The following OOSP3 variants were observed in gnomAD, a reference collection of about 807,000 sequenced individuals.
OOSP3 encodes oocyte secreted protein family member 3, also known as oocyte-secreted protein 3.
intron 3 of OOSP3, among the ~76,000 whole-genome samples, 154 bp from the exon 4 acceptor site, chr11:59,895,348 G>T (rs1853345958): frequency 7.3e-6 from 1 of 137,920 alleles, no homozygotes; most frequent in African/African-American, 2.7e-5. Context: ...AAAAAAAAAA[G>T]GCAAGTAGAA....
intron 2 of OOSP3, among the ~76,000 whole-genome samples, chr11:59,888,807 C>T (rs563488913): frequency 6.6e-6 from 1 of 152,226 alleles, no homozygotes; most frequent in Non-Finnish European, 1.5e-5. Context: ...TGATGCTGGC[C>T]TCATAACATG....
At chr11:59,883,567 A>G (rs1853222719) in intron 2 of OOSP3, among the ~76,000 whole-genome samples, 1 of 152,270 alleles carries the variant, frequency 6.6e-6, no homozygotes, top group Non-Finnish European at 1.5e-5. Context: ...AACAGGCACC[A>G]TAATGTACAA....
exon 4 of OOSP3, chr11:59,895,572 A>G: frequency 2.5e-6 from 1 of 398,448 alleles, no homozygotes; most frequent in Non-Finnish European, 4.4e-6. Flanking sequence ...CCCTCCCGCT[A>G]CCAATTCTTA....
At chr11:59,891,330 G>C (rs1009993191) in intron 2 of OOSP3, among the ~76,000 whole-genome samples, 1 of 152,166 alleles carries the variant, frequency 6.6e-6, no homozygotes, top group East Asian at 1.9e-4. Context: ...AAGAGGTGTT[G>C]TAATCATTTG....
intron 2 of OOSP3, among the ~76,000 whole-genome samples, chr11:59,882,821 A>G (rs1389183917): frequency 1.3e-5 from 2 of 152,140 alleles, no homozygotes; most frequent in Non-Finnish European, 2.9e-5. Context: ...ATAGGCAACC[A>G]CAAGTCTAAT....
chr11:59,895,686 T>G, intron 4 of OOSP3, 34 bp downstream of exon 4: 2 of 398,292 alleles, frequency 5.0e-6, no homozygotes, highest in Non-Finnish European at 4.4e-6. Flanking sequence ...AACATGGCAG[T>G]GTCCATGTAG....
At chr11:59,883,466 A>C (rs1286797458) in intron 2 of OOSP3, among the ~76,000 whole-genome samples, 1 of 152,196 alleles carries the variant, frequency 6.6e-6, no homozygotes, top group African/African-American at 2.4e-5. Flanking sequence ...TGATCCAAGA[A>C]TGTTGAAAAG....
At chr11:59,887,643 T>G (rs1853275153) in intron 2 of OOSP3, among the ~76,000 whole-genome samples, 1 of 152,174 alleles carries the variant, frequency 6.6e-6, no homozygotes, top group Non-Finnish European at 1.5e-5. Context: ...TGTATTTTGT[T>G]TTATTGGTTT....
chr11:59,888,139 G>A (rs1363458704), intron 2 of OOSP3, among the ~76,000 whole-genome samples: 1 of 152,088 alleles, frequency 6.6e-6, no homozygotes, highest in East Asian at 1.9e-4. Context: ...TGTGATTTTT[G>A]CACATTGATT....
At chr11:59,882,357 G>A (rs1853210786) in intron 2 of OOSP3, among the ~76,000 whole-genome samples, 1 of 151,906 alleles carries the variant, frequency 6.6e-6, no homozygotes, top group African/African-American at 2.4e-5. Flanking sequence ...AGGACAGATT[G>A]TATATGGAAC....
At chr11:59,883,252 G>GAA (rs1853220268) in intron 2 of OOSP3, among the ~76,000 whole-genome samples, 2 of 152,100 alleles carry the variant, frequency 1.3e-5, no homozygotes, top group African/African-American at 4.8e-5. Flanking sequence ...TTATTCTATT[G>GAA]TTTGGTTTCT....
intron 2 of OOSP3, among the ~76,000 whole-genome samples, chr11:59,892,769 G>A (rs984538456): frequency 2.0e-5 from 3 of 152,034 alleles, no homozygotes; most frequent in Non-Finnish European, 4.4e-5. Flanking sequence ...ATTTCCTCTG[G>A]ATCCTGCTAG....
chr11:59,895,447 G>A, intron 3 of OOSP3, 55 bp from the exon 4 acceptor site: 2 of 397,492 alleles, frequency 5.0e-6, no homozygotes, highest in Non-Finnish European at 8.9e-6. Context: ...TTACTGGTTT[G>A]TTTATTTTTA....
intron 3 of OOSP3, 59 bp from the exon 4 acceptor site, chr11:59,895,443 G>C: frequency 2.5e-6 from 1 of 397,472 alleles, no homozygotes; most frequent in South Asian, 1.3e-4. Flanking sequence ...AGACTTACTG[G>C]TTTGTTTATT....
At chr11:59,893,690 T>C in intron 2 of OOSP3, among the ~76,000 whole-genome samples, 1 of 152,190 alleles carries the variant, frequency 6.6e-6, no homozygotes, top group East Asian at 1.9e-4. Flanking sequence ...ACAATGAGCA[T>C]GTGTTCAGAA....
chr11:59,895,250 G>A (rs1005792755), intron 3 of OOSP3, among the ~76,000 whole-genome samples: 18 of 143,688 alleles, frequency 1.3e-4, no homozygotes, highest in African/African-American at 3.9e-4. Flanking sequence ...CAGAGCTGAC[G>A]TTTTCTGTTT....
intron 4 of OOSP3, among the ~76,000 whole-genome samples, chr11:59,895,893 A>G (rs1853352826): frequency 6.6e-6 from 1 of 152,214 alleles, no homozygotes; most frequent in South Asian, 2.1e-4. Flanking sequence ...ATGACAAATA[A>G]AAGAAAATCT....
chr11:59,880,455 A>C lies in OOSP3; in HGVS notation c.252+16A>C, dbSNP rs1312961807. 4 of 398,432 alleles carry C rather than the reference A, an allele frequency of 1.0e-5. No homozygotes were observed. Among genetic ancestry groups the C allele is most frequent in the African/African-American group, 2.1e-5 (1 of 48,632 alleles). 24.7% of individuals were successfully genotyped at this position (398,432 alleles called of 1,614,324 possible). A position where few individuals can be genotyped will look rare whatever the true frequency, so the allele number is the denominator to read the frequency against. ...TCAGAAAGAGGTAAGAGCTGCAAGC[A>C]GTTCAAATAATAAACTAACCCCTAG... On this transcript the variant is annotated intron_variant, in intron 2 of 4. Coordinates refer to ENST00000646438, the Ensembl canonical transcript of OOSP3.
chr11:59,891,479 ATGT>A (rs1164634806), intron 2 of OOSP3, among the ~76,000 whole-genome samples: 1 of 151,096 alleles, frequency 6.6e-6, no homozygotes, highest in East Asian at 1.9e-4. Context: ...TTTTTTGTTG[ATGT>A]TGTTGCTTTC....
Sources: gnomAD v4.1 joint callset for allele counts (sites outside exome capture counted in the v4.1 genomes callset) on GRCh38, gnomAD v4.1.1 for gene constraint, MANE v1.5 for transcripts, NCBI Gene and HGNC (gene_info 2026-07-23, HGNC 2026-07-21) for gene names.